KCNJ3: variants seen among roughly 807,000 people sequenced by gnomAD.
KCNJ3 encodes G protein-activated inward rectifier potassium channel 1.
Under a neutral mutation model 39.2 loss-of-function variants are expected in KCNJ3, and 4 were observed. The observed-to-expected ratio is 0.10, with a 90% CI of 0.05 to 0.23. The LOEUF is 0.23. Among genes scored for constraint, KCNJ3 ranks in the 10% least tolerant of loss-of-function variants. KCNJ3 has a pLI of 1.00. For missense variants in KCNJ3, 276 were observed against 634.9 expected, an observed-to-expected ratio of 0.43 and a Z score of 6.08; for synonymous variants, 230 against 237.4, an observed-to-expected ratio of 0.97 and a Z score of 0.29.
chr2:154,709,913 CAG>C, intron 2 of KCNJ3, 94 bp downstream of exon 2: 1 of 1,365,372 alleles, frequency 7.3e-7, no homozygotes, highest in Non-Finnish European at 9.9e-7. Flanking sequence ...CGAAATGACT[CAG>C]AGTTTACAAT....
chr2:154,774,342 G>C (rs1238737396), intron 2 of KCNJ3, among the ~76,000 whole-genome samples: 1 of 151,878 alleles, frequency 6.6e-6, no homozygotes, highest in Non-Finnish European at 1.5e-5. Context: ...ACAGCACTTG[G>C]ATAAAGAAAG....
At chr2:154,852,886 A>C (rs147916820) in intron 2 of KCNJ3, among the ~76,000 whole-genome samples, 2 of 152,268 alleles carry the variant, frequency 1.3e-5, no homozygotes, top group African/African-American at 4.8e-5. Flanking sequence ...GATCATAGTC[A>C]GATTTGCACC....
chr2:154,775,683 T>C (rs1237658545), intron 2 of KCNJ3, among the ~76,000 whole-genome samples: 1 of 152,206 alleles, frequency 6.6e-6, no homozygotes, highest in East Asian at 1.9e-4. Flanking sequence ...TGTACCTCAA[T>C]ATTCGTTTTA....
chr2:154,720,975 G>A (rs1456468813), intron 2 of KCNJ3, among the ~76,000 whole-genome samples: 3 of 151,618 alleles, frequency 2.0e-5, no homozygotes, highest in East Asian at 1.9e-4. Flanking sequence ...TAGCATTATC[G>A]GCTCCAAAAA....
At chr2:154,765,815 C>T (rs778677737) in intron 2 of KCNJ3, among the ~76,000 whole-genome samples, 22 of 152,240 alleles carry the variant, frequency 1.4e-4, no homozygotes, top group Non-Finnish European at 2.9e-4. Flanking sequence ...AACATTATAG[C>T]ACATTACATT....
chr2:154,742,529 C>T (rs984372436), intron 2 of KCNJ3, among the ~76,000 whole-genome samples: 14 of 151,908 alleles, frequency 9.2e-5, no homozygotes, highest in African/African-American at 3.4e-4. Context: ...TACGTGTTCA[C>T]CAGCACTTGT....
intron 2 of KCNJ3, among the ~76,000 whole-genome samples, chr2:154,833,316 T>C (rs1469903113): frequency 1.3e-5 from 2 of 152,234 alleles, no homozygotes; most frequent in Non-Finnish European, 2.9e-5. Context: ...GTAACCTCTC[T>C]TAAGTACAAG....
chr2:154,761,884 C>T (rs181274846), intron 2 of KCNJ3, among the ~76,000 whole-genome samples: 1 of 152,244 alleles, frequency 6.6e-6, no homozygotes, highest in East Asian at 1.9e-4. Flanking sequence ...TATTACCTTA[C>T]ATGGCAAAAG....
chr2:154,808,388 G>A (rs970934066), intron 2 of KCNJ3, among the ~76,000 whole-genome samples: 1 of 151,902 alleles, frequency 6.6e-6, no homozygotes, highest in Non-Finnish European at 1.5e-5. Flanking sequence ...GCGGGATAAG[G>A]GCATTTAAAT....
At chr2:154,847,110 A>G (rs1055326030) in intron 2 of KCNJ3, among the ~76,000 whole-genome samples, 8 of 152,184 alleles carry the variant, frequency 5.3e-5, no homozygotes, top group Admixed American at 6.6e-5. Context: ...TGAAAACTTC[A>G]GTTTCTGGAA....
At chr2:154,838,951 TTTA>T (rs1224509073) in intron 2 of KCNJ3, among the ~76,000 whole-genome samples, 1 of 149,574 alleles carries the variant, frequency 6.7e-6, no homozygotes, top group African/African-American at 2.6e-5. Flanking sequence ...TATGTATGTA[TTTA>T]TTTTTATTAT....
intron 2 of KCNJ3, among the ~76,000 whole-genome samples, chr2:154,853,513 C>T (rs1487766247): frequency 6.6e-6 from 1 of 151,968 alleles, no homozygotes; most frequent in Admixed American, 6.6e-5. Context: ...ACTATCATCA[C>T]TTATTTAAAT....
intron 2 of KCNJ3, among the ~76,000 whole-genome samples, chr2:154,766,475 C>T: frequency 6.6e-6 from 1 of 151,876 alleles, no homozygotes; most frequent in Non-Finnish European, 1.5e-5. Flanking sequence ...GAGGCTTTTC[C>T]AGGTTACCCA....
intron 2 of KCNJ3, among the ~76,000 whole-genome samples, chr2:154,769,406 A>G (rs1202222038): frequency 6.6e-6 from 1 of 152,108 alleles, no homozygotes; most frequent in Non-Finnish European, 1.5e-5. Flanking sequence ...AGGGCTGTTG[A>G]ATTTTTTTGA....
At chr2:154,849,416 G>GCT (rs1020200122) in intron 2 of KCNJ3, among the ~76,000 whole-genome samples, 2 of 151,960 alleles carry the variant, frequency 1.3e-5, no homozygotes, top group African/African-American at 4.8e-5. Context: ...ACGCTCTTTT[G>GCT]CTCTCTCTCC....
rs902111893 is a variant in KCNJ3, at chr2:154,803,110, A to G, written c.920-51617A>G. ...GCTTAAGGTTATTTAGATGATCTCC[A>G]TGACACAGTGGGAACAAATTTGGAT... is the stretch of plus-strand genomic sequence containing the variant. On this transcript the variant is annotated intron_variant, in intron 2 of 2. Transcript: ENST00000295101. Among the ~76,000 whole-genome samples the G allele has an allele frequency of 3.3e-5, 5 of 152,224 alleles. No individual in the cohort carries two copies. In the East Asian group the frequency reaches 9.6e-4, roughly 29 times the overall value.
At chr2:154,759,772 A>G (rs12465798) in intron 2 of KCNJ3, among the ~76,000 whole-genome samples, 49,865 of 151,890 alleles carry the variant, frequency 0.33, 9,520 homozygotes, top group Non-Finnish European at 0.43. Flanking sequence ...GTCATTTGCA[A>G]TTTGTTTCTT....
chr2:154,703,799 A>AT (rs1057456210), intron 1 of KCNJ3, among the ~76,000 whole-genome samples: 5 of 152,076 alleles, frequency 3.3e-5, no homozygotes, highest in African/African-American at 1.2e-4. Context: ...ACCGTGGCCA[A>AT]TTTGAACTTT....
chr2:154,826,218 C>T (rs905746469), intron 2 of KCNJ3, among the ~76,000 whole-genome samples: 2 of 152,112 alleles, frequency 1.3e-5, no homozygotes, highest in Non-Finnish European at 2.9e-5. Flanking sequence ...ATGTACGAGA[C>T]TAATCATTAG....
Sources: gnomAD v4.1 joint callset for allele counts (sites outside exome capture counted in the v4.1 genomes callset) on GRCh38, gnomAD v4.1.1 for gene constraint, MANE v1.5 for transcripts, NCBI Gene and HGNC (gene_info 2026-07-23, HGNC 2026-07-21) for gene names.